PKHD1: variants seen among roughly 807,000 people sequenced by gnomAD.
PKHD1 encodes the protein PKHD1 ciliary IPT domain containing fibrocystin/polyductin, also known as fibrocystin.
PKHD1 carries 291 observed loss-of-function variants against 412.0 expected under a neutral mutation model. The ratio of observed to expected loss-of-function variants is 0.71; its 90% CI spans 0.64 to 0.78. The LOEUF (loss-of-function observed/expected upper bound fraction) is 0.78. Ranked by LOEUF, PKHD1 falls within the 30% of genes least tolerant of loss-of-function variation. The pLI is 0.00. For missense variants in PKHD1, 4,825 were observed against 4,950.7 expected (o/e 0.97, Z 0.76); for synonymous variants, 1,777 against 1,821.5 (o/e 0.98, Z 0.62).
chr6:51,831,882 T>A (rs960317502), intron 51 of PKHD1, among the ~76,000 whole-genome samples: 7 of 152,256 alleles, frequency 4.6e-5, no homozygotes, highest in African/African-American at 1.7e-4. Context: ...CAATAGCACA[T>A]CACGCACAAC....
chr6:52,027,934 A>G (rs1451040924), intron 30 of PKHD1, 38 bp from the exon 31 acceptor site: 1 of 1,495,310 alleles, frequency 6.7e-7, no homozygotes, highest in Non-Finnish European at 9.3e-7. Context: ...AATAACTGAC[A>G]GAGAGAGATA....
chr6:52,069,317 C>G (rs1430077564), intron 11 of PKHD1, 140 bp downstream of exon 11: 8 of 754,994 alleles, frequency 1.1e-5, no homozygotes, highest in Admixed American at 7.3e-5. Flanking sequence ...TAATCTCAAC[C>G]AAAAACACCA....
At chr6:51,766,239 G>A (rs949825477) in intron 55 of PKHD1, among the ~76,000 whole-genome samples, 2 of 151,960 alleles carry the variant, frequency 1.3e-5, no homozygotes, top group Admixed American at 6.6e-5. Flanking sequence ...ATAGAGAAAA[G>A]CACACCAAAG....
rs753595467 is a variant in PKHD1 at position 51,934,190 on chromosome 6, T to C, written c.6041A>G (p.Tyr2014Cys). The change falls in exon 37 of 67, where the codon TAC becomes TGC. Residue 2014 changes from tyrosine to cysteine, a missense_variant. Transcript: ENST00000371117. ...PFQGRAQITL[Y>C]GSSYSTPFFP... ...GAAGGGAGTTGAGTAGGAACTCCCG[T>C]AGAGTGTGATCTGAGCTCTGCCTTG... 1.2e-6 allele frequency: 2 copies of C among 1,613,952 alleles called. No individual in the cohort carries two copies. Among genetic ancestry groups the C allele is most frequent in the South Asian group, 1.1e-5 (1 of 91,064 alleles).
chr6:51,783,369 AATTT>A (rs527363172), intron 53 of PKHD1, among the ~76,000 whole-genome samples: 2 of 60,906 alleles, frequency 3.3e-5, no homozygotes, highest in South Asian at 1.6e-3. Context: ...AAATTATATA[AATTT>A]ATTATTTTAT....
chr6:51,748,689 G>C (rs780666139), intron 57 of PKHD1, 24 bp from the exon 58 acceptor site: 1 of 1,610,372 alleles, frequency 6.2e-7, no homozygotes, highest in Non-Finnish European at 8.5e-7. Context: ...CATGTCATCA[G>C]GTACTTTCCT....
intron 48 of PKHD1, among the ~76,000 whole-genome samples, chr6:51,858,746 T>C (rs1476143813): frequency 6.6e-6 from 1 of 152,232 alleles, no homozygotes; most frequent in Non-Finnish European, 1.5e-5. Flanking sequence ...GTTTAACAAA[T>C]ATTTTCTGAC....
chr6:51,748,003 T>G lies in PKHD1; in HGVS notation c.9613A>C (p.Ile3205Leu). Residue 3205 changes from isoleucine to leucine, a missense_variant, in exon 58 of 67, where the codon ATT becomes CTT. By Grantham distance (5) the Ile-to-Leu change is conservative. Coordinates refer to ENST00000371117, the MANE Select transcript of PKHD1 (RefSeq NM_138694.4). Reference protein sequence around the residue: ...KVQIVLRNSVIVATSSSFDCI... With the variant: ...KVQIVLRNSVLVATSSSFDCI... The stretch of plus-strand genomic sequence containing the variant: ...TCAAAAGAAGAGCTGGTGGCCACAA[T>G]GACTGAATTCCTAAGCACAATCTGC... 1.2e-6 allele frequency: 2 copies of G among 1,614,124 alleles called. No homozygotes were observed. The highest frequency in any genetic ancestry group is 1.7e-6 in the Non-Finnish European group (2 of 1,179,982).
chr6:51,911,151 C>T (rs963299895), intron 39 of PKHD1, among the ~76,000 whole-genome samples: 9 of 152,148 alleles, frequency 5.9e-5, no homozygotes, highest in Non-Finnish European at 1.0e-4. Flanking sequence ...TTGACACCCA[C>T]GCCATCCTGG....
chr6:51,999,403 G>A (rs949509593), intron 35 of PKHD1, among the ~76,000 whole-genome samples: 3 of 151,982 alleles, frequency 2.0e-5, no homozygotes, highest in South Asian at 2.1e-4. Context: ...GATGAAGTCC[G>A]TTTCCATAAC....
At position 51,885,898 on chromosome 6, in the gene PKHD1, A is replaced by T. The variant is rs1359062264; in HGVS notation, c.7184T>A (p.Phe2395Tyr). The change falls in exon 45 of 67, where the codon TTC becomes TAC. Residue 2395 changes from phenylalanine to tyrosine, a missense_variant. Coordinates refer to ENST00000371117, the MANE Select transcript of PKHD1 (RefSeq NM_138694.4). The stretch of plus-strand genomic sequence containing the variant: ...ACCACCTGCACTTTCCCAAACTGTG[A>T]AGCTCTGGAACAGAGTGGTGCCAGT... ...NVTGTTLFQSFTVWESAGGAQ... is the reference protein window; with the variant it reads ...NVTGTTLFQSYTVWESAGGAQ... 1 of 1,613,100 alleles carries T rather than the reference A, an allele frequency of 6.2e-7. No homozygotes were observed. Among genetic ancestry groups the T allele is most frequent in the South Asian group, 1.1e-5 (1 of 90,982 alleles).
chr6:51,887,123 C>A lies in PKHD1; in HGVS notation c.7109+10G>T, dbSNP rs143958875. 8 of 1,549,098 alleles carry A rather than the reference C, an allele frequency of 5.2e-6. No homozygotes were observed. In the East Asian group the frequency reaches 1.6e-4, roughly 30 times the overall value. ...ACAGCCAAAACATAGATGAATTTCC[C>A]CAAAGTTACCTGGTACAAGAATGTG... On this transcript the variant is annotated intron_variant, in intron 44 of 66. Coordinates refer to ENST00000371117, the MANE Select transcript of PKHD1 (RefSeq NM_138694.4).
rs1474111250 is a variant in PKHD1, at chr6:52,024,671, C to G, written c.5139G>C (p.Glu1713Asp). The G allele has an allele frequency of 6.2e-7, 1 of 1,614,192 alleles. No individual in the cohort carries two copies. Among genetic ancestry groups the G allele is most frequent in the East Asian group, 2.2e-5 (1 of 44,890 alleles). Residue 1713 changes from glutamate (E) to aspartate (D), a missense_variant, in exon 32 of 67, where the codon GAG becomes GAC. Transcript: ENST00000371117. ...QCVVPSLPAG[E>D]YHVRGYDCIR... Reference sequence around the variant, plus strand: ...TGCAGTCATAGCCTCTGACGTGGTACTCCCCGGCCGGAAGGGAAGGGACCA... The same window carrying G: ...TGCAGTCATAGCCTCTGACGTGGTAGTCCCCGGCCGGAAGGGAAGGGACCA...
At chr6:51,710,902 T>C (rs1780577584) in intron 60 of PKHD1, among the ~76,000 whole-genome samples, 1 of 152,188 alleles carries the variant, frequency 6.6e-6, no homozygotes, top group Non-Finnish European at 1.5e-5. Flanking sequence ...GAGTTGACTA[T>C]GAACAACAAT....
chr6:51,785,970 C>A (rs1175507344), intron 53 of PKHD1, among the ~76,000 whole-genome samples: 1 of 152,172 alleles, frequency 6.6e-6, no homozygotes, highest in Non-Finnish European at 1.5e-5. Context: ...GGGTACTTAA[C>A]AAACCAATGT....
At chr6:51,967,847 A>G (rs1479735620) in intron 35 of PKHD1, among the ~76,000 whole-genome samples, 1 of 152,218 alleles carries the variant, frequency 6.6e-6, no homozygotes, top group Admixed American at 6.5e-5. Flanking sequence ...ATTAAGAGAC[A>G]AGGTTAACAT....
At chr6:51,680,164 T>C (rs1776448590) in intron 60 of PKHD1, among the ~76,000 whole-genome samples, 1 of 151,990 alleles carries the variant, frequency 6.6e-6, no homozygotes, top group Non-Finnish European at 1.5e-5. Context: ...AACAGAGAGA[T>C]TTGGAAAATA....
At chr6:51,983,194 G>A (rs1386947427) in intron 35 of PKHD1, among the ~76,000 whole-genome samples, 1 of 152,202 alleles carries the variant, frequency 6.6e-6, no homozygotes, top group African/African-American at 2.4e-5. Context: ...ATTGAGACTA[G>A]GTTAAACAAA....
In PKHD1 at chr6:51,618,707, A is replaced by T. The variant is rs2784201; in HGVS notation, c.*374T>A. 1 of 339,470 alleles carries T rather than the reference A, an allele frequency of 2.9e-6. No homozygotes were observed. Among genetic ancestry groups the T allele is most frequent in the South Asian group, 2.4e-5 (1 of 41,134 alleles). The allele number at this position is 339,470 out of a possible 1,614,324, so 21.0% of individuals were successfully genotyped here. A position where few individuals can be genotyped will look rare whatever the true frequency, so the allele number is the denominator to read the frequency against. On this transcript the variant is annotated 3_prime_UTR_variant, in exon 67 of 67. Transcript: ENST00000371117. ...GACCTTTTCATGATCCCTTCTATAA[A>T]AGAAGCTCAAAGCATTGTGGGTGGT...
Sources: allele counts gnomAD v4.1 joint callset (sites outside exome capture counted in the v4.1 genomes callset), GRCh38; gene constraint gnomAD v4.1.1; transcripts MANE v1.5; gene names NCBI Gene and HGNC (gene_info 2026-07-23, HGNC 2026-07-21).